CCZ1B: variants seen among roughly 807,000 people sequenced by gnomAD.
The protein encoded by CCZ1B is CCZ1B vacuolar protein trafficking and biogenesis associated.
A neutral mutation model predicts 58.8 loss-of-function variants in CCZ1B; 25 were observed. The observed-to-expected ratio is 0.43, with a 90% CI of 0.31 to 0.59. The LOEUF (loss-of-function observed/expected upper bound fraction) is 0.59, where lower values mean the gene tolerates loss of function less well. CCZ1B is among the 20% of genes least tolerant of loss of function. The probability of loss-of-function intolerance (pLI) is 0.12; values close to 1 mark genes in which losing one functional copy is unlikely to be tolerated. For synonymous variants in CCZ1B, 66 were observed against 173.2 expected, an observed-to-expected ratio of 0.38 and a Z score of 4.86; for missense variants, 180 against 501.5, an observed-to-expected ratio of 0.36 and a Z score of 6.12.
intron 14 of CCZ1B, among the ~76,000 whole-genome samples, chr7:6,800,692 A>G (rs1209089238): frequency 7.0e-6 from 1 of 143,774 alleles, no homozygotes; most frequent in Non-Finnish European, 1.5e-5. Flanking sequence ...ACATTTCTTA[A>G]TATAAAGTCA....
At chr7:6,821,118 C>T (rs1476885670) in intron 6 of CCZ1B, among the ~76,000 whole-genome samples, 2 of 148,940 alleles carry the variant, frequency 1.3e-5, no homozygotes, top group Non-Finnish European at 3.0e-5. Flanking sequence ...AAGCGATTCT[C>T]CTGCCTCAGC....
chr7:6,814,817 T>G lies in CCZ1B; in HGVS notation c.727A>C (p.Ile243Leu). ...WSGLEQDDMRILYKYLTTSLF... is the reference protein window; with the variant it reads ...WSGLEQDDMRLLYKYLTTSLF... ...GAGGTGGTAAGGTATTTGTATAAAA[T>G]TCTCATGTCATCTTGTTCTAATCCA... Residue 243 changes from isoleucine to leucine, a missense_variant, in exon 8 of 15, where the codon ATT becomes CTT. Coordinates refer to ENST00000316731, the MANE Select transcript of CCZ1B (RefSeq NM_198097.5). The G allele has an allele frequency of 1.2e-6, 2 of 1,606,938 alleles. No individual in the cohort carries two copies. Among genetic ancestry groups the G allele is most frequent in the Non-Finnish European group, 1.7e-6 (2 of 1,178,056 alleles).
At chr7:6,818,573 A>AAGAC (rs1205405538) in intron 7 of CCZ1B, among the ~76,000 whole-genome samples, 9 of 138,268 alleles carry the variant, frequency 6.5e-5, no homozygotes, top group African/African-American at 2.8e-4. Flanking sequence ...GACAGAAAGA[A>AAGAC]AGACAGAAAG....
At chr7:6,814,051 C>G (rs1018929065) in intron 8 of CCZ1B, among the ~76,000 whole-genome samples, 3 of 148,422 alleles carry the variant, frequency 2.0e-5, no homozygotes, top group Non-Finnish European at 4.4e-5. Context: ...GAGCCTGAGG[C>G]CGGAGAATTG....
chr7:6,824,804 A>G (rs1783168876), intron 1 of CCZ1B, 67 bp from the exon 2 acceptor site: 3 of 1,485,732 alleles, frequency 2.0e-6, no homozygotes, highest in African/African-American at 3.0e-5. Flanking sequence ...TGAAAACGCT[A>G]AGTTCAATGT....
At chr7:6,820,168 GT>G (rs1452854635) in intron 6 of CCZ1B, among the ~76,000 whole-genome samples, 4 of 149,356 alleles carry the variant, frequency 2.7e-5, no homozygotes, top group Non-Finnish European at 5.9e-5. Context: ...ATTCAGTATT[GT>G]GTTTTACTGC....
intron 6 of CCZ1B, among the ~76,000 whole-genome samples, chr7:6,821,824 G>A (rs184625713): frequency 6.6e-6 from 1 of 150,480 alleles, no homozygotes; most frequent in East Asian, 1.9e-4. Flanking sequence ...CTCCCCAATC[G>A]CTAATCTGAC....
intron 8 of CCZ1B, among the ~76,000 whole-genome samples, chr7:6,813,419 C>G (rs1482426329): frequency 6.7e-6 from 1 of 149,286 alleles, no homozygotes; most frequent in African/African-American, 2.5e-5. Flanking sequence ...GATCCCATCT[C>G]TACAAAAAAT....
chr7:6,803,975 C>T (rs1302662095), intron 12 of CCZ1B, among the ~76,000 whole-genome samples: 4 of 144,822 alleles, frequency 2.8e-5, no homozygotes, highest in Non-Finnish European at 4.5e-5. Flanking sequence ...CAAAAAACAA[C>T]GTATGAACAT....
intron 10 of CCZ1B, among the ~76,000 whole-genome samples, chr7:6,810,546 G>T (rs1232349909): frequency 6.8e-6 from 1 of 147,468 alleles, no homozygotes; most frequent in Non-Finnish European, 1.5e-5. Context: ...TCCAACTCTT[G>T]GGCTCAAGCG....
chr7:6,810,002 T>C (rs1157255386), intron 10 of CCZ1B, among the ~76,000 whole-genome samples: 1 of 150,656 alleles, frequency 6.6e-6, no homozygotes, highest in Non-Finnish European at 1.5e-5. Flanking sequence ...AGGCTTTTCA[T>C]GTTGAACGTG....
chr7:6,819,355 C>A (rs1783072372), intron 7 of CCZ1B, among the ~76,000 whole-genome samples: 1 of 147,388 alleles, frequency 6.8e-6, no homozygotes, highest in Non-Finnish European at 1.5e-5. Context: ...CCTGCCTCAG[C>A]CTCCTGAGTA....
chr7:6,804,982 G>A lies in CCZ1B; in HGVS notation c.1062C>T (p.Ala354=), dbSNP rs377753333. ...SIVGPQLTVL[A]SDICEQFNIN... ...TGTTAAACTGTTCACAGATGTCAGAGGCCAGCACTGTGAGCTGGGGCCCAA... is the reference window on the plus strand; with the variant it reads ...TGTTAAACTGTTCACAGATGTCAGAAGCCAGCACTGTGAGCTGGGGCCCAA... The change falls in exon 12 of 15, where the codon GCC becomes GCT. Residue 354 remains alanine, a synonymous_variant. Transcript: ENST00000316731. 1.1e-4 allele frequency: 150 copies of A among 1,405,424 alleles called. 31 individuals carry two copies. The highest frequency in any genetic ancestry group is 1.3e-4 in the Non-Finnish European group (142 of 1,061,928). The allele number at this position is 1,405,424 out of a possible 1,614,324, so 87.1% of individuals were successfully genotyped here. A position where few individuals can be genotyped will look rare whatever the true frequency, so the allele number is the denominator to read the frequency against.
At chr7:6,822,905 T>C (rs939534266) in intron 5 of CCZ1B, among the ~76,000 whole-genome samples, 2 of 146,396 alleles carry the variant, frequency 1.4e-5, no homozygotes, top group African/African-American at 5.2e-5. Flanking sequence ...GGGGTCTTGC[T>C]ATATTGCCCA....
At chr7:6,810,038 G>A (rs1002482200) in intron 10 of CCZ1B, among the ~76,000 whole-genome samples, 8 of 150,784 alleles carry the variant, frequency 5.3e-5, no homozygotes, top group African/African-American at 2.0e-4. Context: ...CTGAGACAGA[G>A]TCTTGCTCTG....
chr7:6,819,678 C>G, intron 7 of CCZ1B, 88 bp downstream of exon 7: 1 of 734,864 alleles, frequency 1.4e-6, no homozygotes, highest in Non-Finnish European at 2.2e-6. Context: ...CTGCAAGTTC[C>G]TGTTTGACAA....
intron 8 of CCZ1B, among the ~76,000 whole-genome samples, chr7:6,813,476 G>T (rs1782948802): frequency 1.3e-5 from 2 of 149,094 alleles, no homozygotes; most frequent in Non-Finnish European, 3.0e-5. Context: ...TACTTGGGAG[G>T]CTGAGGTGAC....
chr7:6,798,975 A>T lies in CCZ1B; in HGVS notation c.*249T>A. 1 of 313,696 alleles carries T rather than the reference A, an allele frequency of 3.2e-6. No homozygotes were observed. The highest frequency in any genetic ancestry group is 5.1e-6 in the Non-Finnish European group (1 of 195,446). The allele number at this position is 313,696 out of a possible 1,614,324, so 19.4% of individuals were successfully genotyped here. A position where few individuals can be genotyped will look rare whatever the true frequency, so the allele number is the denominator to read the frequency against. The stretch of plus-strand genomic sequence containing the variant: ...TAACAATTTATTAGTCTTATTTTCC[A>T]GTAAAATATTCAAATAATGTCAAAA... On this transcript the variant is annotated 3_prime_UTR_variant, in exon 15 of 15. Transcript: ENST00000316731.
rs1414603691 is a variant in CCZ1B, at chr7:6,801,833, C to A, written c.1107-310G>T. 9.2e-3 allele frequency among the ~76,000 whole-genome samples: 940 copies of A among 102,640 alleles called. 7 individuals carry two copies. The highest frequency in any genetic ancestry group is 0.02 in the Admixed American group (164 of 8,156). The allele number at this position is 102,640 out of a possible 152,430, so 67.3% of individuals were successfully genotyped here. A position where few individuals can be genotyped will look rare whatever the true frequency, so the allele number is the denominator to read the frequency against. ...TTGTGATCCACCCGCCTTGGCCTCC[C>A]AAAGTGCAGGGATTACAGGCGTGAG... On this transcript the variant is annotated intron_variant, in intron 12 of 14. Coordinates refer to ENST00000316731, the MANE Select transcript of CCZ1B (RefSeq NM_198097.5).
Sources: gnomAD v4.1 joint callset for allele counts (sites outside exome capture counted in the v4.1 genomes callset) on GRCh38, gnomAD v4.1.1 for gene constraint, MANE v1.5 for transcripts, NCBI Gene and HGNC (gene_info 2026-07-23, HGNC 2026-07-21) for gene names.